The following CFAP43 variants were observed in gnomAD, a reference collection of about 807,000 sequenced individuals.
CFAP43 encodes the protein cilia- and flagella-associated protein 43.
In CFAP43, 155 loss-of-function variants were observed where a neutral mutation model predicts 218.9. The observed-to-expected ratio is 0.71, with a 90% CI of 0.62 to 0.81. CFAP43 has a LOEUF of 0.81. Among genes scored for constraint, CFAP43 ranks in the 30% least tolerant of loss-of-function variants. The probability of loss-of-function intolerance (pLI) is 0.00; values close to 1 mark genes in which losing one functional copy is unlikely to be tolerated. For synonymous variants in CFAP43, 645 were observed against 681.3 expected (o/e 0.95, Z 0.83); for missense variants, 1,778 against 1,954.3 (o/e 0.91, Z 1.70).
At chr10:104,221,418 G>A (rs947208738) in intron 3 of CFAP43, among the ~76,000 whole-genome samples, 1 of 152,056 alleles carries the variant, frequency 6.6e-6, no homozygotes, top group Non-Finnish European at 1.5e-5. Context: ...TCAGGTCAAG[G>A]GTGCAGAGCC....
intron 23 of CFAP43, 99 bp from the exon 24 acceptor site, chr10:104,164,399 ATT>A (rs61636691): frequency 0.012 from 9,654 of 772,342 alleles, 16 homozygotes; most frequent in African/African-American, 0.037. Context: ...CATTCCACAA[ATT>A]TTTTTTTTTT....
At chr10:104,150,307 G>A (rs1277074306) in intron 28 of CFAP43, among the ~76,000 whole-genome samples, 3 of 152,040 alleles carry the variant, frequency 2.0e-5, no homozygotes, top group Non-Finnish European at 4.4e-5. Context: ...CTCCCTGCCA[G>A]GCCAGTGATT....
Position 104,130,051 on chromosome 10 carries a change from C to A in CFAP43, c.*88G>T. On this transcript the variant is annotated 3_prime_UTR_variant, in exon 38 of 38. Transcript: ENST00000357060. ...TCAGAGGACATGCTACTTCAATTTC[C>A]CAGTAAGAAAGAAAAGGAAATCATT... The A allele has an allele frequency of 1.4e-6, 2 of 1,423,950 alleles. No homozygotes were observed. The highest frequency in any genetic ancestry group is 1.9e-6 in the Non-Finnish European group (2 of 1,077,310). 88.2% of individuals were successfully genotyped at this position (1,423,950 alleles called of 1,614,324 possible). A position where few individuals can be genotyped will look rare whatever the true frequency, so the allele number is the denominator to read the frequency against.
intron 31 of CFAP43, among the ~76,000 whole-genome samples, chr10:104,145,227 T>C (rs901245228): frequency 3.9e-5 from 6 of 152,216 alleles, no homozygotes; most frequent in Non-Finnish European, 8.8e-5. Flanking sequence ...GAATCTACAA[T>C]AGTACCGTGC....
intron 34 of CFAP43, 128 bp from the exon 35 acceptor site, chr10:104,133,912 A>G (rs2087317359): frequency 1.1e-6 from 1 of 928,248 alleles, no homozygotes; most frequent in Admixed American, 3.3e-5. Context: ...TTTTTAAGAA[A>G]CAGACATTAA....
intron 4 of CFAP43, among the ~76,000 whole-genome samples, chr10:104,212,371 T>G (rs1322488885): frequency 6.6e-6 from 1 of 152,164 alleles, no homozygotes; most frequent in Non-Finnish European, 1.5e-5. Context: ...ATTATAAAAA[T>G]TTTTGAAAGT....
chr10:104,176,150 G>T (rs1417528716), intron 19 of CFAP43, among the ~76,000 whole-genome samples: 1 of 152,076 alleles, frequency 6.6e-6, no homozygotes, highest in Non-Finnish European at 1.5e-5. Flanking sequence ...CTTGGTATTG[G>T]CTCAAGAAAA....
intron 34 of CFAP43, among the ~76,000 whole-genome samples, chr10:104,139,204 G>A (rs922922944): frequency 3.9e-5 from 6 of 152,174 alleles, no homozygotes; most frequent in African/African-American, 1.4e-4. Context: ...GAAAAACAAT[G>A]AGTATGGAAT....
intron 13 of CFAP43, 76 bp downstream of exon 13, chr10:104,188,191 AAAC>A: frequency 6.4e-7 from 1 of 1,552,354 alleles, no homozygotes; most frequent in Non-Finnish European, 8.7e-7. Context: ...GCCAAGATAA[AAAC>A]AAAACAAACC....
intron 10 of CFAP43, 95 bp from the exon 11 acceptor site, chr10:104,194,109 A>G: frequency 1.4e-6 from 2 of 1,459,172 alleles, no homozygotes; most frequent in South Asian, 1.3e-5. Context: ...AGCCTGCAGG[A>G]TGAGAAAAGT....
At chr10:104,190,139 A>G (rs2090165235) in intron 12 of CFAP43, among the ~76,000 whole-genome samples, 2 of 149,006 alleles carry the variant, frequency 1.3e-5, no homozygotes, top group Non-Finnish European at 3.0e-5. Context: ...CCATCTCAAA[A>G]AAAAAAAAAA....
rs755427644 is a variant in CFAP43, at chr10:104,133,601, G to A, written c.4596+19C>T. 18 of 1,603,670 alleles carry A rather than the reference G, an allele frequency of 1.1e-5. No homozygotes were observed. Among genetic ancestry groups the A allele is most frequent in the Non-Finnish European group, 1.4e-5 (17 of 1,176,070 alleles). On this transcript the variant is annotated intron_variant, in intron 35 of 37. Transcript: ENST00000357060. ...AATGAATAAAATTAAAACTATGTAG[G>A]GGGGTAGGGAGAATTTACCTTTTGA...
rs370465833 is a variant in CFAP43, at chr10:104,203,721, T to C, written c.1046A>G (p.His349Arg). ...TGTATAATTGGGAGAAAATGTCATA[T>C]GTTCTACAGGTCTTTCAATCTCAAG... ...DFLEIERPVE[H>R]MTFSPNYTVL... Residue 349 changes from histidine (H) to arginine (R), a missense_variant, in exon 8 of 38, where the codon CAT becomes CGT. Transcript: ENST00000357060. 2.1e-4 allele frequency: 336 copies of C among 1,611,870 alleles called. No homozygotes were observed. The highest frequency in any genetic ancestry group is 2.6e-4 in the Non-Finnish European group (309 of 1,179,082).
At chr10:104,144,370 G>A (rs571553075) in intron 31 of CFAP43, among the ~76,000 whole-genome samples, 35 of 152,286 alleles carry the variant, frequency 2.3e-4, no homozygotes, top group South Asian at 1.5e-3. Flanking sequence ...TAGGAAAACC[G>A]CCGGGCGAGA....
At chr10:104,137,674 G>A (rs1159906527) in intron 34 of CFAP43, among the ~76,000 whole-genome samples, 1 of 152,160 alleles carries the variant, frequency 6.6e-6, no homozygotes, top group African/African-American at 2.4e-5. Context: ...GCCAGGTGTG[G>A]TGGCACGTGC....
intron 12 of CFAP43, among the ~76,000 whole-genome samples, chr10:104,191,777 A>G (rs2090226628): frequency 1.8e-5 from 2 of 108,342 alleles, no homozygotes; most frequent in Admixed American, 1.8e-4. Context: ...ATTTTAAAAA[A>G]AATTGTGTGT....
chr10:104,203,153 C>G (rs2090581411), intron 8 of CFAP43, among the ~76,000 whole-genome samples: 1 of 152,140 alleles, frequency 6.6e-6, no homozygotes, highest in African/African-American at 2.4e-5. Flanking sequence ...ACCCAGCATC[C>G]AAGGCTATGC....
At position 104,162,016 on chromosome 10, in the gene CFAP43, A is replaced by G. The variant is rs748143615; in HGVS notation, c.3359T>C (p.Leu1120Pro). ...IQDASTRLRALMDMMGGVLEV... is the reference protein window; with the variant it reads ...IQDASTRLRAPMDMMGGVLEV... Reference sequence around the variant, plus strand: ...CAGAACTCCTCCCATCATGTCCATCAGAGCTCGGAGTCTTGTACTGGCATC... The same window carrying G: ...CAGAACTCCTCCCATCATGTCCATCGGAGCTCGGAGTCTTGTACTGGCATC... The change falls in exon 26 of 38, where the codon CTG (leucine) becomes CCG (proline). Residue 1120 changes from leucine to proline, a missense_variant. This residue lies in a region of CFAP43 where 1,553 missense variants were observed against 1,685.2 expected (regional missense o/e 0.92). Transcript: ENST00000357060. The G allele has an allele frequency of 6.8e-6, 11 of 1,613,820 alleles. No individual in the cohort carries two copies. The highest frequency in any genetic ancestry group is 7.6e-6 in the Non-Finnish European group (9 of 1,179,952).
intron 32 of CFAP43, among the ~76,000 whole-genome samples, chr10:104,143,211 T>C (rs2087789289): frequency 6.6e-6 from 1 of 152,220 alleles, no homozygotes; most frequent in Non-Finnish European, 1.5e-5. Flanking sequence ...TAATGGACAC[T>C]ATTTTGAACG....
Sources: allele counts gnomAD v4.1 joint callset (sites outside exome capture counted in the v4.1 genomes callset), GRCh38; gene constraint gnomAD v4.1.1; regional missense constraint gnomAD v4.1.1; transcripts MANE v1.5; gene names NCBI Gene and HGNC (gene_info 2026-07-23, HGNC 2026-07-21).